Variants in CNOT9 observed in about 807,000 individuals in gnomAD.
CNOT9 encodes the protein RCD1 required for cell differentiation1 homolog.
CNOT9 carries 8 observed loss-of-function variants against 37.4 expected under a neutral mutation model. The observed-to-expected ratio is 0.21, with a 90% CI of 0.13 to 0.39. CNOT9 has a LOEUF of 0.39. Among genes scored for constraint, CNOT9 ranks in the 10% least tolerant of loss-of-function variants. CNOT9 has a pLI of 1.00. For synonymous variants in CNOT9, 120 were observed against 137.6 expected, an observed-to-expected ratio of 0.87 and a Z score of 0.90; for missense variants, 154 against 365.3, an observed-to-expected ratio of 0.42 and a Z score of 4.71.
chr2:218,587,952 T>C (rs879573168), intron 5 of CNOT9, among the ~76,000 whole-genome samples: 17 of 152,216 alleles, frequency 1.1e-4, no homozygotes, highest in Admixed American at 4.6e-4. Flanking sequence ...GTTTCATTTT[T>C]TTAATTTTAA....
At position 218,579,388 on chromosome 2, in the gene CNOT9, T is replaced by C. The variant is rs114313032; in HGVS notation, c.25-1173T>C. On this transcript the variant is annotated intron_variant, in intron 1 of 7. Coordinates refer to ENST00000273064, the MANE Select transcript of CNOT9 (RefSeq NM_005444.3). ...TTTTACTTAGTATCAATATACAGTA[T>C]ATAGAGAGCTGCTTCTTTTTTTAAA... 8.9e-3 allele frequency among the ~76,000 whole-genome samples: 1,357 copies of C among 152,356 alleles called. 19 individuals carry two copies. The highest frequency in any genetic ancestry group is 0.031 in the African/African-American group (1,295 of 41,578).
At chr2:218,584,851 C>G in intron 4 of CNOT9, 130 bp downstream of exon 4, 2 of 699,492 alleles carry the variant, frequency 2.9e-6, no homozygotes, top group Non-Finnish European at 5.2e-6. Flanking sequence ...GTCTCATTCA[C>G]TAATCAATAA....
Position 218,592,864 on chromosome 2 carries a change from A to C in CNOT9, c.731+157A>C. ...GAACTTAGATTCTTTTAAAAATCTG[A>C]AATGCTGAATTTTAGTAGCCATCAG... On this transcript the variant is annotated intron_variant, in intron 7 of 7. Coordinates refer to ENST00000273064, the MANE Select transcript of CNOT9 (RefSeq NM_005444.3). This position sits in a 1 kb window ranked among gnomAD's most constrained non-coding sequence, Gnocchi z 4.1. 1.6e-6 allele frequency: 1 copy of C among 625,522 alleles called. No homozygotes were observed. Among genetic ancestry groups the C allele is most frequent in the Non-Finnish European group, 2.8e-6 (1 of 359,090 alleles). The allele number at this position is 625,522 out of a possible 1,614,324, so 38.7% of individuals were successfully genotyped here.
chr2:218,578,265 A>G (rs1405075107), intron 1 of CNOT9, among the ~76,000 whole-genome samples: 5 of 152,250 alleles, frequency 3.3e-5, no homozygotes, highest in African/African-American at 1.2e-4. Context: ...ATTTCAGTCT[A>G]TTTAGCAGAA....
At position 218,583,121 on chromosome 2, in the gene CNOT9, T is replaced by C. The variant is rs1363331248; in HGVS notation, c.320+35T>C. The C allele has an allele frequency of 1.5e-5, 20 of 1,315,780 alleles. No homozygotes were observed. The Admixed American group carries it at 2.4e-4, about 16-fold the overall frequency. The allele number at this position is 1,315,780 out of a possible 1,614,324, so 81.5% of individuals were successfully genotyped here. A position where few individuals can be genotyped will look rare whatever the true frequency, so the allele number is the denominator to read the frequency against. ...TTGGGTGAGTCACTTGGGGGAGATA[T>C]ACATTGAATATGGTCCTAAACGTTC... On this transcript the variant is annotated intron_variant, in intron 3 of 7. Coordinates refer to ENST00000273064, the MANE Select transcript of CNOT9 (RefSeq NM_005444.3).
chr2:218,582,563 G>A (rs903822618), intron 2 of CNOT9, among the ~76,000 whole-genome samples: 3 of 152,124 alleles, frequency 2.0e-5, no homozygotes, highest in Non-Finnish European at 2.9e-5. Flanking sequence ...GGTGGCAGGC[G>A]CCTGTAGTCC....
Position 218,591,283 on chromosome 2 carries a change from A to G in CNOT9, c.541-1021A>G, listed in dbSNP as rs182572735. Among the ~76,000 whole-genome samples the G allele has an allele frequency of 1.8e-4, 28 of 152,338 alleles. No homozygotes were observed. The South Asian group carries it at 3.9e-3, about 21-fold the overall frequency. ...ATCGTGATTGTCTAATTTAAATTAA[A>G]CTAATATTTTAATATCTCTTTTATG... On this transcript the variant is annotated intron_variant, in intron 5 of 7. Transcript: ENST00000273064.
At position 218,594,177 on chromosome 2, in the gene CNOT9, A is replaced by G; in HGVS notation, c.801A>G (p.Lys267=). The change falls in exon 8 of 8, where the codon AAA becomes AAG. Residue 267 remains lysine, a synonymous_variant. Coordinates refer to ENST00000273064, the MANE Select transcript of CNOT9 (RefSeq NM_005444.3). ...LKDTTFAQVL[K]DDTTTKRWLA... Reference sequence around the variant, plus strand: ...ACACAACCTTCGCCCAGGTGCTAAAAGATGACACCACCACGAAACGCTGGC... The same window carrying G: ...ACACAACCTTCGCCCAGGTGCTAAAGGATGACACCACCACGAAACGCTGGC... 1 of 1,614,238 alleles carries G rather than the reference A, an allele frequency of 6.2e-7. No individual in the cohort carries two copies. The highest frequency in any genetic ancestry group is 1.3e-5 in the African/African-American group (1 of 75,064).
intron 1 of CNOT9, among the ~76,000 whole-genome samples, chr2:218,576,435 A>G (rs373718727): frequency 2.8e-4 from 43 of 152,322 alleles, no homozygotes; most frequent in African/African-American, 7.7e-4. Flanking sequence ...CATCTGATCC[A>G]TAATGTGACA....
At chr2:218,579,921 C>T (rs1466419559) in intron 1 of CNOT9, among the ~76,000 whole-genome samples, 2 of 151,198 alleles carry the variant, frequency 1.3e-5, no homozygotes, top group East Asian at 1.9e-4. Context: ...CATGCTCAAG[C>T]GATTCTAGTG....
intron 1 of CNOT9, among the ~76,000 whole-genome samples, chr2:218,575,392 T>C (rs551142880): frequency 1.4e-5 from 2 of 142,402 alleles, no homozygotes; most frequent in Admixed American, 6.9e-5. Context: ...TTTTTCTTTT[T>C]TTTTTTTTTT....
chr2:218,570,047 C>T (rs998604991), intron 1 of CNOT9, among the ~76,000 whole-genome samples: 9 of 152,062 alleles, frequency 5.9e-5, no homozygotes, highest in African/African-American at 2.2e-4. Flanking sequence ...ATCATGTGAG[C>T]CCTGTTGACG....
chr2:218,576,366 A>G (rs1034145983), intron 1 of CNOT9, among the ~76,000 whole-genome samples: 2 of 152,178 alleles, frequency 1.3e-5, no homozygotes, highest in African/African-American at 4.8e-5. Context: ...GTGTGTTACA[A>G]AATTGCTTGT....
At chr2:218,569,116 C>T (rs377110013) in intron 1 of CNOT9, 138 bp downstream of exon 1, 39 of 909,564 alleles carry the variant, frequency 4.3e-5, no homozygotes, top group African/African-American at 3.4e-4. Flanking sequence ...GGTTCCCCTC[C>T]TCGGCACGCT....
chr2:218,590,767 C>G (rs1233835927), intron 5 of CNOT9, among the ~76,000 whole-genome samples: 1 of 151,784 alleles, frequency 6.6e-6, no homozygotes, highest in African/African-American at 2.4e-5. Flanking sequence ...TTGCTTTCTC[C>G]TTTGTGGTAA....
At position 218,574,973 on chromosome 2, in the gene CNOT9, C is replaced by A. The variant is rs60100535; in HGVS notation, c.25-5588C>A. Among the ~76,000 whole-genome samples the A allele has an allele frequency of 9.4e-3, 1,428 of 152,106 alleles. 25 individuals are homozygous for A. The highest frequency in any genetic ancestry group is 0.033 in the African/African-American group (1,355 of 41,486). ...AAAGTTTTTTTTTTAAAAAAAGAGC[C>A]TCTTAGATTAGACTCTCACAACTAA... On this transcript the variant is annotated intron_variant, in intron 1 of 7. Coordinates refer to ENST00000273064, the MANE Select transcript of CNOT9 (RefSeq NM_005444.3).
rs1293627863 is a variant in CNOT9, at chr2:218,580,697, C to A, written c.161C>A (p.Pro54His). 6.2e-7 allele frequency: 1 copy of A among 1,614,074 alleles called. No homozygotes were observed. Residue 54 changes from proline (P) to histidine (H), a missense_variant, in exon 2 of 8, where the codon CCC (proline) becomes CAC (histidine). Coordinates refer to ENST00000273064, the MANE Select transcript of CNOT9 (RefSeq NM_005444.3). Reference protein sequence around the residue: ...KKRESVPDLAPMLWHSFGTIA... With the variant: ...KKRESVPDLAHMLWHSFGTIA... The stretch of plus-strand genomic sequence containing the variant: ...CGAGAATCTGTTCCTGACCTTGCAC[C>A]CATGCTGTGGCATTCATTTGGTACT...
intron 4 of CNOT9, among the ~76,000 whole-genome samples, chr2:218,586,170 T>C (rs950210975): frequency 2.0e-4 from 30 of 152,140 alleles, no homozygotes; most frequent in African/African-American, 6.3e-4. Flanking sequence ...TCCAACAAAA[T>C]CCCAGCAGCA....
At chr2:218,589,536 A>G (rs1235193241) in intron 5 of CNOT9, among the ~76,000 whole-genome samples, 1 of 152,082 alleles carries the variant, frequency 6.6e-6, no homozygotes, top group Non-Finnish European at 1.5e-5. Context: ...AGGTCTCCCT[A>G]TGTTGCCTGG....
Sources: allele counts gnomAD v4.1 joint callset (sites outside exome capture counted in the v4.1 genomes callset), GRCh38; gene constraint gnomAD v4.1.1; non-coding constraint Gnocchi (gnomAD v3.1); transcripts MANE v1.5; gene names NCBI Gene and HGNC (gene_info 2026-07-23, HGNC 2026-07-21).